Variants in NCAM1 observed in about 807,000 individuals in gnomAD.
The protein encoded by NCAM1 is antigen recognized by monoclonal antibody 5.1H11.
Under a neutral mutation model 109.8 loss-of-function variants are expected in NCAM1, and 14 were observed. The observed-to-expected ratio is 0.13, with a 90% CI of 0.08 to 0.20. The LOEUF is 0.20. Among genes scored for constraint, NCAM1 ranks in the 10% least tolerant of loss-of-function variants. The pLI, the probability that NCAM1 is intolerant of heterozygous loss-of-function variation, is 1.00. For missense variants in NCAM1, 774 were observed against 1,109.9 expected (o/e 0.70, Z 4.30); for synonymous variants, 418 against 442.9 (o/e 0.94, Z 0.70).
In NCAM1 at chr11:113,206,156, A is replaced by G. The variant is rs949627474; in HGVS notation, c.604A>G (p.Lys202Glu). 25 of 1,613,050 alleles carry G rather than the reference A, an allele frequency of 1.5e-5. No homozygotes were observed. Among genetic ancestry groups the G allele is most frequent in the African/African-American group, 2.7e-5 (2 of 74,878 alleles). ...CCTGGCACGGGGGGAGATCAACTTC[A>G]AGGACATTCAGGTCATTGTGAATGG... ...RILARGEINF[K>E]DIQVIVNVPP... is the part of the protein sequence containing the mutation. Residue 202 changes from lysine (K) to glutamate (E), a missense_variant, in exon 5 of 20, where the codon AAG becomes GAG. Around this residue, in one of 4 missense-constraint regions of NCAM1, gnomAD observed 523 missense variants for 784.2 expected, o/e 0.67. Coordinates refer to ENST00000316851, the MANE Select transcript of NCAM1 (RefSeq NM_181351.5).
intron 1 of NCAM1, among the ~76,000 whole-genome samples, chr11:113,126,709 C>T (rs1941194017): frequency 1.3e-5 from 2 of 152,140 alleles, no homozygotes; most frequent in Admixed American, 1.3e-4. Flanking sequence ...TAAAAAGAAA[C>T]ATTGTTACTT....
At chr11:113,166,247 A>G (rs11214524) in intron 1 of NCAM1, among the ~76,000 whole-genome samples, 14,076 of 152,246 alleles carry the variant, frequency 0.092, 929 homozygotes, top group East Asian at 0.26. Flanking sequence ...GGAGGGGCAT[A>G]GGGCTGGATC....
intron 1 of NCAM1, among the ~76,000 whole-genome samples, chr11:113,196,662 A>C (rs1555110879): frequency 6.6e-6 from 1 of 152,212 alleles, no homozygotes; most frequent in African/African-American, 2.4e-5. Context: ...GAGAGGTTAA[A>C]TAACTTGGCC....
chr11:113,201,452 T>G (rs2226849), intron 1 of NCAM1, among the ~76,000 whole-genome samples: 2 of 152,006 alleles, frequency 1.3e-5, no homozygotes, highest in East Asian at 1.9e-4. Flanking sequence ...GCCTTTAGAT[T>G]TGGGGTTTAC....
At chr11:112,981,094 A>G (rs145207645) in intron 1 of NCAM1, among the ~76,000 whole-genome samples, 233 of 151,998 alleles carry the variant, frequency 1.5e-3, no homozygotes, top group African/African-American at 5.0e-3. Context: ...CACATATCTA[A>G]TAGCTTTACC....
chr11:112,998,498 G>GA (rs767803908), intron 1 of NCAM1, among the ~76,000 whole-genome samples: 12 of 150,676 alleles, frequency 8.0e-5, no homozygotes, highest in Non-Finnish European at 1.6e-4. Context: ...AGGAAAAAAG[G>GA]AAAAAAAAAT....
chr11:113,022,025 CA>C (rs1278865562), intron 1 of NCAM1, among the ~76,000 whole-genome samples: 6 of 152,270 alleles, frequency 3.9e-5, no homozygotes, highest in African/African-American at 1.4e-4. Flanking sequence ...ATTATATAGT[CA>C]AAGCCAATGA....
chr11:113,106,091 CCAAA>C (rs1940147163), intron 1 of NCAM1, among the ~76,000 whole-genome samples: 1 of 151,898 alleles, frequency 6.6e-6, no homozygotes, highest in Non-Finnish European at 1.5e-5. Context: ...TAGTCAACTA[CCAAA>C]CAAATATTAT....
intron 1 of NCAM1, among the ~76,000 whole-genome samples, chr11:113,005,426 G>A (rs1951868598): frequency 1.3e-5 from 2 of 152,106 alleles, no homozygotes; most frequent in Non-Finnish European, 2.9e-5. Flanking sequence ...GGTTCCTCCT[G>A]GAAAAGATCT....
intron 1 of NCAM1, among the ~76,000 whole-genome samples, chr11:113,140,654 G>T (rs1389296255): frequency 6.6e-6 from 1 of 152,134 alleles, no homozygotes; most frequent in Non-Finnish European, 1.5e-5. Context: ...TTTCATTATG[G>T]TTAAAATTGG....
intron 1 of NCAM1, among the ~76,000 whole-genome samples, chr11:113,064,504 C>T (rs1462568389): frequency 1.3e-5 from 2 of 151,894 alleles, no homozygotes; most frequent in Admixed American, 1.3e-4. Flanking sequence ...ATTATTTTTC[C>T]TTAAACTATA....
At chr11:113,107,860 A>G (rs971481378) in intron 1 of NCAM1, among the ~76,000 whole-genome samples, 4 of 152,228 alleles carry the variant, frequency 2.6e-5, no homozygotes, top group Non-Finnish European at 4.4e-5. Context: ...CAGTAATTCT[A>G]GGACATAACC....
intron 1 of NCAM1, among the ~76,000 whole-genome samples, chr11:113,172,512 G>T (rs1285284759): frequency 6.6e-6 from 1 of 152,144 alleles, no homozygotes; most frequent in African/African-American, 2.4e-5. Flanking sequence ...ATTGATCTTG[G>T]TATGTTCTTT....
At chr11:113,059,827 G>C (rs1953854969) in intron 1 of NCAM1, among the ~76,000 whole-genome samples, 1 of 152,148 alleles carries the variant, frequency 6.6e-6, no homozygotes. Context: ...CCCTCCCAAT[G>C]AATGGAGAAA....
At chr11:113,020,937 A>C (rs1565386976) in intron 1 of NCAM1, among the ~76,000 whole-genome samples, 1 of 151,986 alleles carries the variant, frequency 6.6e-6, no homozygotes, top group Non-Finnish European at 1.5e-5. Context: ...TTGTATTTTT[A>C]GTAGGGATGG....
intron 1 of NCAM1, among the ~76,000 whole-genome samples, chr11:113,001,104 C>T (rs1784217): frequency 2.6e-5 from 4 of 152,026 alleles, no homozygotes; most frequent in Non-Finnish European, 1.5e-5. Context: ...TTCAGAACAG[C>T]CATTTTCTAT....
At chr11:113,105,142 T>A (rs1940096734) in intron 1 of NCAM1, among the ~76,000 whole-genome samples, 1 of 152,192 alleles carries the variant, frequency 6.6e-6, no homozygotes, top group Non-Finnish European at 1.5e-5. Context: ...TTTGGAGGCT[T>A]GTGGGTGGGA....
At chr11:113,067,292 C>T (rs11214474) in intron 1 of NCAM1, among the ~76,000 whole-genome samples, 29,403 of 152,146 alleles carry the variant, frequency 0.19, 3,103 homozygotes, top group East Asian at 0.46. Flanking sequence ...TCCGGTTTTC[C>T]AGACTCATGT....
At chr11:113,195,144 T>A (rs1312738296) in intron 1 of NCAM1, among the ~76,000 whole-genome samples, 1 of 152,230 alleles carries the variant, frequency 6.6e-6, no homozygotes, top group African/African-American at 2.4e-5. Context: ...CTCTTTAAAA[T>A]GGCATCTAGC....
Sources: gnomAD v4.1 joint callset for allele counts (sites outside exome capture counted in the v4.1 genomes callset) on GRCh38, gnomAD v4.1.1 for gene constraint, gnomAD v4.1.1 regional missense constraint, MANE v1.5 for transcripts, NCBI Gene and HGNC (gene_info 2026-07-23, HGNC 2026-07-21) for gene names.